The following SLC9C2 variants were observed in gnomAD, a reference collection of about 807,000 sequenced individuals.
SLC9C2 encodes the protein sodium/hydrogen exchanger 11.
SLC9C2 carries 75 observed loss-of-function variants against 140.2 expected under a neutral mutation model. That is an observed-to-expected ratio of 0.53 (90% CI 0.44 to 0.65). SLC9C2 has a LOEUF of 0.65. Among genes scored for constraint, SLC9C2 ranks in the 30% least tolerant of loss-of-function variants. The pLI is 0.00. For synonymous variants in SLC9C2, 375 were observed against 420.9 expected (o/e 0.89, Z 1.34); for missense variants, 1,074 against 1,331.8 (o/e 0.81, Z 3.01).
At chr1:173,574,727 G>A (rs1665057482) in intron 8 of SLC9C2, among the ~76,000 whole-genome samples, 1 of 139,822 alleles carries the variant, frequency 7.2e-6, no homozygotes, top group African/African-American at 2.5e-5. Context: ...AGCCAGGATG[G>A]TCTTGATCTC....
chr1:173,569,834 T>C (rs1375882611), intron 9 of SLC9C2, among the ~76,000 whole-genome samples: 1 of 152,126 alleles, frequency 6.6e-6, no homozygotes, highest in Non-Finnish European at 1.5e-5. Flanking sequence ...GAAATCTGCC[T>C]GGTGTTCTAT....
Position 173,554,746 on chromosome 1 carries a change from T to G in SLC9C2, c.1284A>C (p.Ser428=). The change falls in exon 11 of 28, where the codon TCA becomes TCC. Residue 428 remains serine (S), a synonymous_variant. Transcript: ENST00000367714. The part of the protein sequence containing the change: ...MGINSYVMTQ[S]ARKLDLCVLS... The stretch of plus-strand genomic sequence containing the variant: ...CACATACTTTACCTAACTTCCTGGC[T>G]GACTGAGTCATCACGTATGAATTTA... The G allele has an allele frequency of 6.2e-7, 1 of 1,605,602 alleles. No individual in the cohort carries two copies. The highest frequency in any genetic ancestry group is 8.5e-7 in the Non-Finnish European group (1 of 1,172,300).
At chr1:173,539,415 T>C (rs1391730305) in intron 13 of SLC9C2, among the ~76,000 whole-genome samples, 1 of 152,104 alleles carries the variant, frequency 6.6e-6, no homozygotes, top group Non-Finnish European at 1.5e-5. Context: ...TTGATAGAGC[T>C]TGGAGAAGGA....
chr1:173,546,928 C>T (rs1419488181), intron 13 of SLC9C2, among the ~76,000 whole-genome samples: 3 of 151,928 alleles, frequency 2.0e-5, no homozygotes, highest in African/African-American at 7.3e-5. Flanking sequence ...CAGACTAATA[C>T]ATAAGATGGG....
At position 173,600,233 on chromosome 1, in the gene SLC9C2, A is replaced by G; in HGVS notation, c.128-16T>C. ...TTCAAAAGCCCTAAATGTGAAAAAC[A>G]GAATAGTTGCATGAGTACTCGAAGT... is the stretch of plus-strand genomic sequence containing the variant. On this transcript the variant is annotated splice_polypyrimidine_tract_variant and intron_variant, in intron 2 of 27. Coordinates refer to ENST00000367714, the MANE Select transcript of SLC9C2 (RefSeq NM_178527.4). The G allele has an allele frequency of 6.3e-7, 1 of 1,584,038 alleles. No individual in the cohort carries two copies. The highest frequency in any genetic ancestry group is 8.7e-7 in the Non-Finnish European group (1 of 1,154,650).
chr1:173,581,782 G>A, intron 7 of SLC9C2, 65 bp downstream of exon 7: 1 of 1,346,662 alleles, frequency 7.4e-7, no homozygotes, highest in South Asian at 2.0e-5. Flanking sequence ...TCAAGATCAG[G>A]AAAAAATAAA....
chr1:173,536,872 C>G (rs1571498866), intron 14 of SLC9C2, 70 bp downstream of exon 14: 2 of 1,076,932 alleles, frequency 1.9e-6, no homozygotes, highest in South Asian at 2.7e-5. Flanking sequence ...ATTTAATTCT[C>G]ATTTTATTCA....
chr1:173,541,298 A>G (rs1478783993), intron 13 of SLC9C2, among the ~76,000 whole-genome samples: 1 of 152,222 alleles, frequency 6.6e-6, no homozygotes, highest in East Asian at 1.9e-4. Context: ...CAATTCAACA[A>G]GAAGAGCTAA....
chr1:173,549,384 A>G (rs1232816546), intron 11 of SLC9C2, among the ~76,000 whole-genome samples: 2 of 152,256 alleles, frequency 1.3e-5, no homozygotes, highest in African/African-American at 4.8e-5. Context: ...GCAAAGAGGC[A>G]TCTGACTGCC....
intron 25 of SLC9C2, among the ~76,000 whole-genome samples, chr1:173,506,513 T>G (rs1221980340): frequency 6.6e-6 from 1 of 152,220 alleles, no homozygotes; most frequent in Non-Finnish European, 1.5e-5. Context: ...TGCAGATACT[T>G]CCAGAGCTAT....
chr1:173,508,693 A>G lies in SLC9C2; in HGVS notation c.3039+875T>C, dbSNP rs180711698. On this transcript the variant is annotated intron_variant, in intron 24 of 27. Coordinates refer to ENST00000367714, the MANE Select transcript of SLC9C2 (RefSeq NM_178527.4). ...CCAGTCGCTCAGTTCAGTGAATATT[A>G]CTGAACTTCCAATCTTTCCCAGTTC... Among the ~76,000 whole-genome samples the G allele has an allele frequency of 7.9e-5, 12 of 152,356 alleles. No homozygotes were observed. The East Asian group carries it at 2.1e-3, about 27-fold the overall frequency.
At chr1:173,511,029 C>CTT (rs71111066) in intron 23 of SLC9C2, among the ~76,000 whole-genome samples, 2,713 of 86,528 alleles carry the variant, frequency 0.031, 212 homozygotes, top group African/African-American at 0.09. Context: ...CTTTCTTTTC[C>CTT]TTTTTTTTTT....
chr1:173,578,285 T>C (rs906098401), intron 7 of SLC9C2, among the ~76,000 whole-genome samples: 5 of 152,224 alleles, frequency 3.3e-5, no homozygotes, highest in Admixed American at 3.3e-4. Context: ...AATCAGATGC[T>C]TTTTGGACTT....
chr1:173,588,796 A>T (rs1362339702), intron 4 of SLC9C2, among the ~76,000 whole-genome samples: 6 of 152,154 alleles, frequency 3.9e-5, no homozygotes, highest in Non-Finnish European at 7.4e-5. Flanking sequence ...GGAGGAGGCC[A>T]GGTGCAGTGG....
rs563862133 is a variant in SLC9C2, at chr1:173,534,665, G to T, written c.1793C>A (p.Thr598Asn). ...FIPPESNTFL[T>N]FIFHIVFSEE... ...AGAAAATACTATGTGAAATATAAAA[G>T]TCAGAAATGTATTACTCCTGAAAAG... Residue 598 changes from threonine (T) to asparagine (N), a missense_variant, in exon 16 of 28, where the codon ACT becomes AAT. By Grantham distance (65) the Thr-to-Asn change is moderately conservative. Transcript: ENST00000367714. 2.0e-6 allele frequency: 3 copies of T among 1,516,526 alleles called. No homozygotes were observed. Among genetic ancestry groups the T allele is most frequent in the Non-Finnish European group, 2.7e-6 (3 of 1,129,410 alleles). 93.9% of individuals were successfully genotyped at this position (1,516,526 alleles called of 1,614,324 possible). A position where few individuals can be genotyped will look rare whatever the true frequency, so the allele number is the denominator to read the frequency against.
intron 9 of SLC9C2, among the ~76,000 whole-genome samples, chr1:173,570,498 G>A (rs80054184): frequency 0.044 from 6,741 of 152,118 alleles, 240 homozygotes; most frequent in Non-Finnish European, 0.07. Context: ...TCTGAGCTGC[G>A]CTGCTTGAGG....
chr1:173,561,026 C>G (rs967505781), intron 9 of SLC9C2, among the ~76,000 whole-genome samples: 23 of 152,158 alleles, frequency 1.5e-4, no homozygotes, highest in Non-Finnish European at 3.2e-4. Context: ...GAACTCTTGA[C>G]CTCACATGAT....
chr1:173,557,006 C>G (rs1332781598), intron 10 of SLC9C2, among the ~76,000 whole-genome samples: 1 of 151,898 alleles, frequency 6.6e-6, no homozygotes, highest in Non-Finnish European at 1.5e-5. Flanking sequence ...TATTAAGTGT[C>G]TGGTATTTTA....
intron 17 of SLC9C2, among the ~76,000 whole-genome samples, chr1:173,533,244 T>A (rs1661712319): frequency 6.6e-6 from 1 of 152,106 alleles, no homozygotes; most frequent in Admixed American, 6.5e-5. Flanking sequence ...AAAAGAATTT[T>A]AATACTTTAT....
Sources: allele counts gnomAD v4.1 joint callset (sites outside exome capture counted in the v4.1 genomes callset), GRCh38; gene constraint gnomAD v4.1.1; transcripts MANE v1.5; gene names NCBI Gene and HGNC (gene_info 2026-07-23, HGNC 2026-07-21).